The following SCTR variants were observed in gnomAD, a reference collection of about 807,000 sequenced individuals.
SCTR encodes the protein secretin receptor.
SCTR carries 56 observed loss-of-function variants against 60.8 expected under a neutral mutation model. That is an observed-to-expected ratio of 0.92 (90% confidence interval 0.74 to 1.15). The LOEUF (loss-of-function observed/expected upper bound fraction) is 1.15, where lower values mean the gene tolerates loss of function less well. SCTR is among the 50% of genes most tolerant of loss of function. The pLI, the probability that SCTR is intolerant of heterozygous loss-of-function variation, is 0.00. For missense variants in SCTR, 562 were observed against 550.4 expected, an observed-to-expected ratio of 1.02 and a Z score of -0.21; for synonymous variants, 202 against 217.0, an observed-to-expected ratio of 0.93 and a Z score of 0.61.
At chr2:119,511,679 G>T (rs1428450586) in intron 1 of SCTR, among the ~76,000 whole-genome samples, 1 of 152,102 alleles carries the variant, frequency 6.6e-6, no homozygotes, top group African/African-American at 2.4e-5. Context: ...GGTTTGGGGT[G>T]CCCTCTCCCT....
chr2:119,465,921 C>T, intron 4 of SCTR, 35 bp from the exon 5 acceptor site: 2 of 1,497,798 alleles, frequency 1.3e-6, no homozygotes, highest in African/African-American at 1.4e-5. Context: ...CCCGCCGGCC[C>T]TCCTGGCTAG....
In SCTR at chr2:119,452,627, A is replaced by C. The variant is rs913702030; in HGVS notation, c.852-548T>G. Reference sequence around the variant, plus strand: ...ATTTTTTGAAAAAGTGAATTCACCCAATACAAAAATTACTTTGAAGCAATT... The same window carrying C: ...ATTTTTTGAAAAAGTGAATTCACCCCATACAAAAATTACTTTGAAGCAATT... On this transcript the variant is annotated intron_variant, in intron 8 of 12. Transcript: ENST00000019103. Among the ~76,000 whole-genome samples, 11 of 152,234 alleles carry C rather than the reference A, an allele frequency of 7.2e-5. No homozygotes were observed. In the East Asian group the frequency reaches 1.7e-3, roughly 24 times the overall value.
intron 1 of SCTR, among the ~76,000 whole-genome samples, chr2:119,515,452 T>C (rs1679082153): frequency 6.6e-6 from 1 of 152,192 alleles, no homozygotes; most frequent in South Asian, 2.1e-4. Context: ...CTGGAGGAGA[T>C]TGGCTCAGGA....
chr2:119,520,749 T>C (rs1347089858), intron 1 of SCTR, among the ~76,000 whole-genome samples: 2 of 152,202 alleles, frequency 1.3e-5, no homozygotes, highest in Non-Finnish European at 2.9e-5. Context: ...CAGAAGTCCT[T>C]TGTCCAGTTT....
At chr2:119,475,346 T>C (rs1246095029) in intron 3 of SCTR, among the ~76,000 whole-genome samples, 1 of 152,164 alleles carries the variant, frequency 6.6e-6, no homozygotes, top group African/African-American at 2.4e-5. Flanking sequence ...CCCTGTGGGC[T>C]CGCCCAGGGC....
At chr2:119,471,005 G>A (rs1161783874) in intron 4 of SCTR, among the ~76,000 whole-genome samples, 3 of 152,170 alleles carry the variant, frequency 2.0e-5, no homozygotes, top group Non-Finnish European at 2.9e-5. Context: ...CTGGCCTGTG[G>A]CTGCAATTTC....
intron 1 of SCTR, among the ~76,000 whole-genome samples, chr2:119,500,958 T>G (rs1388205110): frequency 6.6e-6 from 1 of 152,186 alleles, no homozygotes; most frequent in African/African-American, 2.4e-5. Context: ...TCTTTACAAA[T>G]TATATGAATG....
At position 119,448,784 on chromosome 2, in the gene SCTR, C is replaced by G. The variant is rs1191460230; in HGVS notation, c.922-4G>C. On this transcript the variant is annotated splice_region_variant and splice_polypyrimidine_tract_variant and intron_variant, in intron 9 of 12. Transcript: ENST00000019103. ...TTATGAAAAGGATGAAATTAATCTG[C>G]AAAACACAAGGCAGAGGTGGGGCTG... 2 of 1,541,662 alleles carry G rather than the reference C, an allele frequency of 1.3e-6. No homozygotes were observed. The highest frequency in any genetic ancestry group is 2.7e-5 in the African/African-American group (2 of 73,538).
At chr2:119,505,954 T>C (rs1035298459) in intron 1 of SCTR, among the ~76,000 whole-genome samples, 2 of 152,206 alleles carry the variant, frequency 1.3e-5, no homozygotes, top group African/African-American at 4.8e-5. Context: ...ATTAAAACCT[T>C]TATATGGTAT....
In SCTR at chr2:119,440,630, G is replaced by T. The variant is rs540596303; in HGVS notation, c.1183-373C>A. On this transcript the variant is annotated intron_variant, in intron 12 of 12. Transcript: ENST00000019103. ...AGAGGCTGAGTTCTCTGAAGGTCTG[G>T]GGCACTGACAGGGGCTACTGGGCAG... 9.2e-5 allele frequency among the ~76,000 whole-genome samples: 14 copies of T among 152,336 alleles called. No homozygotes were observed. In the South Asian group the frequency reaches 2.9e-3, roughly 32 times the overall value.
rs1461090203 is a variant in SCTR at position 119,524,082 on chromosome 2, T to A, written c.72+73A>T. 3.2e-6 allele frequency: 4 copies of A among 1,237,186 alleles called. No individual in the cohort carries two copies. In the East Asian group the frequency reaches 1.1e-4, roughly 33 times the overall value. 76.6% of individuals were successfully genotyped at this position (1,237,186 alleles called of 1,614,324 possible). ...TGCTAGTCCCTCTCCACCTGCATCCTGCCCGAGGCCGGAGAAAGGGCGAGA... is the reference window on the plus strand; with the variant it reads ...TGCTAGTCCCTCTCCACCTGCATCCAGCCCGAGGCCGGAGAAAGGGCGAGA... On this transcript the variant is annotated intron_variant, in intron 1 of 12. Transcript: ENST00000019103.
At chr2:119,448,259 T>C (rs1378307216) in intron 10 of SCTR, among the ~76,000 whole-genome samples, 7 of 152,232 alleles carry the variant, frequency 4.6e-5, no homozygotes, top group Admixed American at 4.6e-4. Flanking sequence ...ATGGAAGCCC[T>C]AGAAAACGAA....
At chr2:119,472,842 C>G (rs115134410) in intron 4 of SCTR, among the ~76,000 whole-genome samples, 1,537 of 152,250 alleles carry the variant, frequency 0.01, 27 homozygotes, top group African/African-American at 0.036. Context: ...CAATGTTTCA[C>G]TATGTTGCCC....
intron 7 of SCTR, among the ~76,000 whole-genome samples, chr2:119,454,279 A>G (rs537787964): frequency 6.6e-6 from 1 of 152,278 alleles, no homozygotes; most frequent in East Asian, 1.9e-4. Flanking sequence ...TGAAGTCTGG[A>G]TAAGAAACAG....
At chr2:119,511,578 T>G (rs1473621912) in intron 1 of SCTR, among the ~76,000 whole-genome samples, 1 of 152,194 alleles carries the variant, frequency 6.6e-6, no homozygotes, top group East Asian at 1.9e-4. Flanking sequence ...CTGTTACACA[T>G]CTATCCACAG....
At chr2:119,507,839 C>G (rs1678796593) in intron 1 of SCTR, among the ~76,000 whole-genome samples, 1 of 151,852 alleles carries the variant, frequency 6.6e-6, no homozygotes, top group Non-Finnish European at 1.5e-5. Flanking sequence ...CCACCACGCC[C>G]AACTAATTTT....
At chr2:119,455,085 A>T (rs1683322762) in intron 7 of SCTR, among the ~76,000 whole-genome samples, 1 of 152,002 alleles carries the variant, frequency 6.6e-6, no homozygotes, top group East Asian at 1.9e-4. Context: ...TTTCTAGTGG[A>T]CGTGCTCAAG....
At chr2:119,515,952 G>A (rs1679100257) in intron 1 of SCTR, among the ~76,000 whole-genome samples, 1 of 152,106 alleles carries the variant, frequency 6.6e-6, no homozygotes. Context: ...CATACAAATG[G>A]CCAACAGGTA....
chr2:119,508,383 C>CTTTTTTTTTTTTTTTTTTTTTTT (rs34070844), intron 1 of SCTR, among the ~76,000 whole-genome samples: 5 of 77,374 alleles, frequency 6.5e-5, no homozygotes, highest in Non-Finnish European at 9.1e-5. Context: ...TCTTCTTCTT[C>CTTTTTTTTTTTTTTTTTTTTTTT]TTTTTTTTTT....
Sources: gnomAD v4.1 joint callset for allele counts (sites outside exome capture counted in the v4.1 genomes callset) on GRCh38, gnomAD v4.1.1 for gene constraint, MANE v1.5 for transcripts, NCBI Gene and HGNC (gene_info 2026-07-23, HGNC 2026-07-21) for gene names.